NR3C1: variants seen among roughly 807,000 people sequenced by gnomAD.
NR3C1 encodes the protein nuclear receptor subfamily 3 group C member 1.
In NR3C1, 14 loss-of-function variants were observed where a neutral mutation model predicts 74.0. The observed-to-expected ratio is 0.19, with a 90% confidence interval of 0.12 to 0.30. The LOEUF is 0.30. Ranked by LOEUF, NR3C1 falls within the 10% of genes least tolerant of loss-of-function variation. The pLI is 1.00. For synonymous variants in NR3C1, 308 were observed against 332.5 expected (o/e 0.93, Z 0.80); for missense variants, 695 against 909.8 (o/e 0.76, Z 3.04).
intron 2 of NR3C1, among the ~76,000 whole-genome samples, chr5:143,398,356 GTT>G (rs35241746): frequency 4.6e-3 from 393 of 85,316 alleles, no homozygotes; most frequent in African/African-American, 0.013. Flanking sequence ...AGGTTTTTTG[GTT>G]TTTTTTTTTT....
intron 2 of NR3C1, among the ~76,000 whole-genome samples, chr5:143,377,303 A>G (rs941621843): frequency 6.6e-6 from 1 of 152,172 alleles, no homozygotes; most frequent in Non-Finnish European, 1.5e-5. Flanking sequence ...CCATGACTCA[A>G]TATGATGGCT....
At chr5:143,364,850 C>T (rs1832919140) in intron 2 of NR3C1, among the ~76,000 whole-genome samples, 1 of 152,076 alleles carries the variant, frequency 6.6e-6, no homozygotes, top group Non-Finnish European at 1.5e-5. Flanking sequence ...GGACTACAGG[C>T]ACACACCACC....
chr5:143,290,345 G>C (rs1408236485), intron 7 of NR3C1, among the ~76,000 whole-genome samples: 6 of 152,192 alleles, frequency 3.9e-5, no homozygotes, highest in South Asian at 2.1e-4. Flanking sequence ...CCTGCCACAA[G>C]GGCAGAGTTT....
At chr5:143,383,518 C>G (rs1005696809) in intron 2 of NR3C1, among the ~76,000 whole-genome samples, 1 of 152,184 alleles carries the variant, frequency 6.6e-6, no homozygotes, top group South Asian at 2.1e-4. Context: ...GTGCTAATGA[C>G]TAATTTAGGT....
chr5:143,370,461 C>T (rs1221985708), intron 2 of NR3C1, among the ~76,000 whole-genome samples: 1 of 152,190 alleles, frequency 6.6e-6, no homozygotes, highest in Admixed American at 6.5e-5. Flanking sequence ...GCCAACTTTA[C>T]TTAGAGGGGA....
At position 143,282,548 on chromosome 5, in the gene NR3C1, G is replaced by T. The variant is rs769056375; in HGVS notation, c.2181+20C>A. On this transcript the variant is annotated intron_variant, in intron 8 of 8. Coordinates refer to ENST00000394464, the MANE Select transcript of NR3C1 (RefSeq NM_000176.3). Reference sequence around the variant, plus strand: ...TTGTCCCAGAAAACTCTTATATTTGGCTTTATGTTTGACACTTACTTCATG... The same window carrying T: ...TTGTCCCAGAAAACTCTTATATTTGTCTTTATGTTTGACACTTACTTCATG... The T allele has an allele frequency of 1.9e-6, 3 of 1,613,228 alleles. No individual in the cohort carries two copies. Among genetic ancestry groups the T allele is most frequent in the Non-Finnish European group, 2.5e-6 (3 of 1,179,514 alleles).
intron 8 of NR3C1, among the ~76,000 whole-genome samples, 157 bp from the exon 9 acceptor site, chr5:143,282,198 C>G (rs10482704): frequency 6.6e-6 from 1 of 152,122 alleles, no homozygotes; most frequent in Non-Finnish European, 1.5e-5. Flanking sequence ...GTACAAAACA[C>G]ATTTTATATT....
intron 2 of NR3C1, among the ~76,000 whole-genome samples, chr5:143,395,520 C>T (rs1390066191): frequency 2.6e-5 from 4 of 151,810 alleles, no homozygotes; most frequent in Non-Finnish European, 3.0e-5. Flanking sequence ...TATTGCATTA[C>T]ACAATTACTC....
chr5:143,316,079 G>A (rs943302415), intron 2 of NR3C1, among the ~76,000 whole-genome samples: 34 of 152,222 alleles, frequency 2.2e-4, no homozygotes, highest in Admixed American at 2.2e-3. Flanking sequence ...CACGTCGAAA[G>A]CCTGTAACAG....
rs202018943 is a variant in NR3C1 at position 143,363,192 on chromosome 5, TAACA to T, written c.1184+36460_1184+36463del. Among the ~76,000 whole-genome samples, 44 of 152,272 alleles carry T rather than the reference TAACA, an allele frequency of 2.9e-4. No homozygotes were observed. In the East Asian group the frequency reaches 6.8e-3, roughly 23 times the overall value. ...GTTAATTATTAGGTGACCACTAAACTAACAAACAGAGACTTCAGGGTGCCCACAA... is the reference window on the plus strand; with the variant it reads ...GTTAATTATTAGGTGACCACTAAACTAACAGAGACTTCAGGGTGCCCACAA... On this transcript the variant is annotated intron_variant, in intron 2 of 8. Coordinates refer to ENST00000394464, the MANE Select transcript of NR3C1 (RefSeq NM_000176.3).
chr5:143,288,373 C>A (rs1039406910), intron 7 of NR3C1, among the ~76,000 whole-genome samples: 4 of 152,060 alleles, frequency 2.6e-5, no homozygotes, highest in Non-Finnish European at 4.4e-5. Context: ...CCCACCTCGG[C>A]CTCCCAACGT....
At chr5:143,324,456 A>C (rs1824104246) in intron 2 of NR3C1, among the ~76,000 whole-genome samples, 1 of 152,166 alleles carries the variant, frequency 6.6e-6, no homozygotes, top group Admixed American at 6.5e-5. Context: ...CAGGGCACAA[A>C]GTCCCTAGCC....
At chr5:143,418,302 A>T (rs896801600) in intron 1 of NR3C1, among the ~76,000 whole-genome samples, 13 of 152,216 alleles carry the variant, frequency 8.5e-5, no homozygotes, top group Admixed American at 2.0e-4. Flanking sequence ...CGTAGCAGAC[A>T]AAGCACTGGG....
chr5:143,378,536 A>C lies in NR3C1; in HGVS notation c.1184+21120T>G, dbSNP rs142291083. On this transcript the variant is annotated intron_variant, in intron 2 of 8. Coordinates refer to ENST00000394464, the MANE Select transcript of NR3C1 (RefSeq NM_000176.3). ...AGATAATGCCAGAGGTGGTGGTCTC[A>C]GTTTCCAGTTCTTTGAGAACACTTA... Among the ~76,000 whole-genome samples the C allele has an allele frequency of 6.8e-4, 103 of 152,302 alleles. 1 individual carries two copies. The East Asian group carries it at 7.3e-3, about 11-fold the overall frequency.
At chr5:143,332,498 G>C in intron 2 of NR3C1, 1 of 583,524 alleles carries the variant, frequency 1.7e-6, no homozygotes, top group South Asian at 2.3e-5. Flanking sequence ...AAACCACCAT[G>C]GCCACATGTT....
chr5:143,349,626 C>T (rs953519508), intron 2 of NR3C1, among the ~76,000 whole-genome samples: 1 of 152,196 alleles, frequency 6.6e-6, no homozygotes, highest in Non-Finnish European at 1.5e-5. Flanking sequence ...TTTCCTGCAG[C>T]TTTCATAGCC....
At chr5:143,302,880 G>T (rs979527994) in intron 4 of NR3C1, among the ~76,000 whole-genome samples, 1 of 152,028 alleles carries the variant, frequency 6.6e-6, no homozygotes, top group African/African-American at 2.4e-5. Context: ...GCATATAGTT[G>T]ATTAGCAGTC....
chr5:143,392,298 G>T (rs1838395972), intron 2 of NR3C1, among the ~76,000 whole-genome samples: 1 of 152,136 alleles, frequency 6.6e-6, no homozygotes, highest in Admixed American at 6.5e-5. Context: ...AAACGTACAT[G>T]CACAAATCCT....
chr5:143,431,417 G>A (rs1188036785), intron 1 of NR3C1, among the ~76,000 whole-genome samples: 1 of 151,868 alleles, frequency 6.6e-6, no homozygotes, highest in African/African-American at 2.4e-5. Context: ...TGTTATGCAT[G>A]TTCTCACTCA....
Sources: allele counts gnomAD v4.1 joint callset (sites outside exome capture counted in the v4.1 genomes callset), GRCh38; gene constraint gnomAD v4.1.1; transcripts MANE v1.5; gene names NCBI Gene and HGNC (gene_info 2026-07-23, HGNC 2026-07-21).